DPP10: variants seen among roughly 807,000 people sequenced by gnomAD.
DPP10 encodes the protein dipeptidyl peptidase like 10, also known as inactive dipeptidyl peptidase 10.
Under a neutral mutation model 120.9 loss-of-function variants are expected in DPP10, and 33 were observed. That is an observed-to-expected ratio of 0.27 (90% CI 0.21 to 0.37). The LOEUF (loss-of-function observed/expected upper bound fraction) is 0.37. DPP10 is among the 10% of genes least tolerant of loss of function. The probability of loss-of-function intolerance (pLI) is 1.00; values close to 1 mark genes in which losing one functional copy is unlikely to be tolerated. For missense variants in DPP10, 816 were observed against 942.8 expected (o/e 0.87, Z 1.76); for synonymous variants, 337 against 326.1 (o/e 1.03, Z -0.36).
chr2:115,480,078 G>A (rs1409785262), intron 3 of DPP10, among the ~76,000 whole-genome samples: 1 of 152,022 alleles, frequency 6.6e-6, no homozygotes, highest in African/African-American at 2.4e-5. Flanking sequence ...GCTATAAGGG[G>A]GTGGAGATCA....
At chr2:115,810,360 T>C (rs912662745) in intron 19 of DPP10, among the ~76,000 whole-genome samples, 6 of 152,220 alleles carry the variant, frequency 3.9e-5, no homozygotes, top group Admixed American at 2.6e-4. Context: ...TAGAATTTAA[T>C]TGAAACACTT....
rs193074079 is a variant in DPP10, at chr2:114,979,279, T to A, written c.61-329960T>A. Among the ~76,000 whole-genome samples, 661 of 152,098 alleles carry A rather than the reference T, an allele frequency of 4.3e-3. 4 individuals are homozygous for A. Among genetic ancestry groups the A allele is most frequent in the African/African-American group, 0.015 (630 of 41,556 alleles). On this transcript the variant is annotated intron_variant, in intron 1 of 25. Transcript: ENST00000410059. ...ACAGCTATTCTATTTTTTAAAAAAA[T>A]TTAATTAAAATAAATTTAAAAATTC... is the stretch of plus-strand genomic sequence containing the variant.
At chr2:114,470,705 T>C (rs1454698226) in intron 1 of DPP10, among the ~76,000 whole-genome samples, 1 of 152,264 alleles carries the variant, frequency 6.6e-6, no homozygotes, top group Non-Finnish European at 1.5e-5. Flanking sequence ...CTATCTTTTC[T>C]TTCTTCAATT....
chr2:115,535,026 G>A (rs1206914184), intron 5 of DPP10, among the ~76,000 whole-genome samples: 4 of 148,430 alleles, frequency 2.7e-5, no homozygotes, highest in Non-Finnish European at 6.0e-5. Context: ...TTTGTCAGAT[G>A]AGTAGGTTGC....
chr2:115,384,546 G>A (rs10176926), intron 3 of DPP10, among the ~76,000 whole-genome samples: 60 of 89,780 alleles, frequency 6.7e-4, no homozygotes, highest in South Asian at 2.0e-3. Flanking sequence ...AGAAGAAGAA[G>A]GAAGAAGAAG....
intron 5 of DPP10, among the ~76,000 whole-genome samples, chr2:115,586,109 G>C (rs970846448): frequency 2.6e-5 from 4 of 152,064 alleles, no homozygotes; most frequent in African/African-American, 2.4e-5. Flanking sequence ...GATCACCTGA[G>C]GTCAGGAGTT....
At chr2:115,038,110 G>A (rs1704354994) in intron 1 of DPP10, among the ~76,000 whole-genome samples, 1 of 152,014 alleles carries the variant, frequency 6.6e-6, no homozygotes, top group Non-Finnish European at 1.5e-5. Context: ...AGTTTAAGAT[G>A]GGTTATCGTC....
chr2:114,564,821 G>A (rs755967280), intron 1 of DPP10, among the ~76,000 whole-genome samples: 4 of 152,158 alleles, frequency 2.6e-5, no homozygotes, highest in Admixed American at 2.6e-4. Flanking sequence ...CTGGTACAAG[G>A]AGTCTACTGC....
At chr2:114,854,602 G>A (rs770546352) in intron 1 of DPP10, among the ~76,000 whole-genome samples, 2 of 152,090 alleles carry the variant, frequency 1.3e-5, no homozygotes, top group Admixed American at 6.6e-5. Context: ...TATCACCTTG[G>A]GAGGTAGAGA....
chr2:115,347,478 G>A (rs764111811), intron 3 of DPP10, among the ~76,000 whole-genome samples: 1 of 152,030 alleles, frequency 6.6e-6, no homozygotes, highest in Non-Finnish European at 1.5e-5. Context: ...AGGGATGCTA[G>A]TTTCTTTTAT....
chr2:114,686,283 T>A (rs916482515), intron 1 of DPP10, among the ~76,000 whole-genome samples: 20 of 151,946 alleles, frequency 1.3e-4, no homozygotes, highest in East Asian at 1.9e-4. Context: ...ATAATAATAA[T>A]AGTAGCTACT....
At chr2:115,646,548 T>C (rs1575429144) in intron 5 of DPP10, among the ~76,000 whole-genome samples, 1 of 152,174 alleles carries the variant, frequency 6.6e-6, no homozygotes, top group Non-Finnish European at 1.5e-5. Context: ...AAACACAGGG[T>C]GTTTAGCAAA....
At chr2:114,511,181 A>G (rs10189830) in intron 1 of DPP10, among the ~76,000 whole-genome samples, 4,794 of 152,346 alleles carry the variant, frequency 0.031, 252 homozygotes, top group African/African-American at 0.11. Context: ...ATATATGGAT[A>G]TAGTTCTAAA....
intron 1 of DPP10, among the ~76,000 whole-genome samples, chr2:114,591,459 C>T (rs1325286621): frequency 1.3e-5 from 2 of 151,962 alleles, no homozygotes; most frequent in African/African-American, 4.8e-5. Flanking sequence ...CTAATTTGAT[C>T]CTCCCATTAG....
At chr2:114,450,901 A>G (rs1345240673) in intron 1 of DPP10, among the ~76,000 whole-genome samples, 2 of 151,932 alleles carry the variant, frequency 1.3e-5, no homozygotes, top group African/African-American at 4.8e-5. Flanking sequence ...TTGTTCTGGC[A>G]CTCTAGTGAG....
intron 1 of DPP10, among the ~76,000 whole-genome samples, chr2:114,829,244 C>CT (rs1686849725): frequency 6.6e-6 from 1 of 151,742 alleles, no homozygotes; most frequent in Admixed American, 6.6e-5. Flanking sequence ...GAGCCAAGAT[C>CT]GAGCCACTGC....
chr2:115,004,696 C>T (rs534483458), intron 1 of DPP10, among the ~76,000 whole-genome samples: 5 of 152,314 alleles, frequency 3.3e-5, no homozygotes, highest in South Asian at 2.1e-4. Context: ...GATTATATCC[C>T]GCACCTGGCT....
In DPP10 at chr2:114,655,110, A is replaced by G. The variant is rs1350670926; in HGVS notation, c.60+212272A>G. On this transcript the variant is annotated intron_variant, in intron 1 of 25. Transcript: ENST00000410059. ...CCTCCTAAGATTTTAGTAAGACTGA[A>G]TAAGACAATGGATAACAACGACACA... is the stretch of plus-strand genomic sequence containing the variant. Among the ~76,000 whole-genome samples, 14 of 152,308 alleles carry G rather than the reference A, an allele frequency of 9.2e-5. No homozygotes were observed. In the East Asian group the frequency reaches 1.9e-3, roughly 21 times the overall value.
chr2:115,279,513 A>G (rs568265553), intron 1 of DPP10, among the ~76,000 whole-genome samples: 1 of 152,070 alleles, frequency 6.6e-6, no homozygotes, highest in African/African-American at 2.4e-5. Flanking sequence ...TTTCTTTTGT[A>G]AGAAAGATTT....
Sources: allele counts gnomAD v4.1 joint callset (sites outside exome capture counted in the v4.1 genomes callset), GRCh38; gene constraint gnomAD v4.1.1; transcripts MANE v1.5; gene names NCBI Gene and HGNC (gene_info 2026-07-23, HGNC 2026-07-21).